CELA3B: variants seen among roughly 807,000 people sequenced by gnomAD.
The protein encoded by CELA3B is chymotrypsin like elastase 3B, also known as chymotrypsin-like elastase family member 3B.
CELA3B carries 34 observed loss-of-function variants against 37.2 expected under a neutral mutation model. The observed-to-expected ratio is 0.91, with a 90% CI of 0.70 to 1.22. The LOEUF (loss-of-function observed/expected upper bound fraction) is 1.22. Among genes scored for constraint, CELA3B ranks in the 50% most tolerant of loss-of-function variants. CELA3B has a pLI of 0.00. For missense variants in CELA3B, 340 were observed against 363.1 expected, an observed-to-expected ratio of 0.94 and a Z score of 0.52; for synonymous variants, 127 against 143.5, an observed-to-expected ratio of 0.89 and a Z score of 0.82.
At chr1:21,978,851 C>T (rs1186481044) in intron 2 of CELA3B, among the ~76,000 whole-genome samples, 1 of 151,786 alleles carries the variant, frequency 6.6e-6, no homozygotes, top group Non-Finnish European at 1.5e-5. Context: ...GAGGGAAGCT[C>T]AGAAGGCTGG....
intron 2 of CELA3B, among the ~76,000 whole-genome samples, chr1:21,980,433 T>A (rs1408195070): frequency 6.6e-6 from 1 of 152,094 alleles, no homozygotes; most frequent in East Asian, 1.9e-4. Context: ...GAGCTGAGAT[T>A]GCCACCATTG....
At chr1:21,988,896 A>T (rs1418360702) in intron 7 of CELA3B, among the ~76,000 whole-genome samples, 2 of 54,242 alleles carry the variant, frequency 3.7e-5, no homozygotes, top group Non-Finnish European at 6.9e-5. Context: ...TCTCAAAAAG[A>T]AAAAAAACTC....
At chr1:21,991,846 G>A (rs1346352382), downstream of CELA3B, among the ~76,000 whole-genome samples, 6 of 150,894 alleles carry the variant, frequency 4.0e-5, no homozygotes, top group African/African-American at 9.8e-5. Flanking sequence ...TGGGCTGGGC[G>A]CAGTGGCTCA....
At position 21,977,148 on chromosome 1, in the gene CELA3B, A is replaced by G. The variant is rs1644777213; in HGVS notation, c.43+66A>G. 11 of 1,606,232 alleles carry G rather than the reference A, an allele frequency of 6.8e-6. No homozygotes were observed. The South Asian group carries it at 1.2e-4, about 18-fold the overall frequency. On this transcript the variant is annotated intron_variant, in intron 1 of 7. Transcript: ENST00000337107. ...AGATTAGGAATCCTTGAAATCTACC[A>G]CTTGCTCTAAGTCCCATGACACCCT...
At chr1:21,990,013 A>AG (rs1470033955), downstream of CELA3B, among the ~76,000 whole-genome samples, 1 of 151,142 alleles carries the variant, frequency 6.6e-6, no homozygotes, top group African/African-American at 2.5e-5. Flanking sequence ...TGGAAGATGA[A>AG]GGGGAAGCAA....
chr1:21,988,969 G>A (rs139168829), intron 7 of CELA3B, among the ~76,000 whole-genome samples: 10,408 of 151,246 alleles, frequency 0.069, 521 homozygotes, highest in East Asian at 0.14. Context: ...ACACACAGAC[G>A]TATATATATA....
At chr1:21,980,266 G>T (rs1319145694) in intron 2 of CELA3B, among the ~76,000 whole-genome samples, 5 of 145,612 alleles carry the variant, frequency 3.4e-5, no homozygotes, top group Non-Finnish European at 6.1e-5. Context: ...GATCACCTGA[G>T]GTGAGGAGCT....
At chr1:21,992,065 AG>A (rs1644871202), downstream of CELA3B, among the ~76,000 whole-genome samples, 1 of 150,984 alleles carries the variant, frequency 6.6e-6, no homozygotes, top group Admixed American at 6.6e-5. Context: ...TGTTGCAATG[AG>A]CTGAGATCAT....
chr1:21,989,171 C>G, intron 7 of CELA3B, 91 bp from the exon 8 acceptor site: 4 of 1,585,040 alleles, frequency 2.5e-6, no homozygotes, highest in Non-Finnish European at 3.5e-6. Flanking sequence ...CAGGGTCACA[C>G]AGCAGGGCTG....
At position 21,977,078 on chromosome 1, in the gene CELA3B, C is replaced by A. The variant is rs753334728; in HGVS notation, c.39C>A (p.Ala13=). 3 of 1,614,038 alleles carry A rather than the reference C, an allele frequency of 1.9e-6. No homozygotes were observed. Among genetic ancestry groups the A allele is most frequent in the Non-Finnish European group, 2.5e-6 (3 of 1,180,048 alleles). The change falls in exon 1 of 8, where the codon GCC becomes GCA. Residue 13 remains alanine, a synonymous_variant. Transcript: ENST00000337107. ...TGCTCAGTTCCCTCCTCCTTGTGGC[C>A]GTTGGTAAGACCCCAACCTGTGTGT... ...LRLLSSLLLV[A]VASGYGPPSS...
chr1:21,993,329 G>A (rs1644876561), downstream of CELA3B, among the ~76,000 whole-genome samples: 3 of 150,586 alleles, frequency 2.0e-5, no homozygotes, highest in African/African-American at 7.4e-5. Context: ...GAGCATGGTG[G>A]CGCGTGCCTG....
downstream of CELA3B, among the ~76,000 whole-genome samples, chr1:21,991,701 T>C (rs1644869406): frequency 6.6e-6 from 1 of 151,324 alleles, no homozygotes; most frequent in Admixed American, 6.6e-5. Flanking sequence ...ATGGTGGCCA[T>C]GCTGACAGGC....
At chr1:21,993,579 C>G (rs895818475), downstream of CELA3B, among the ~76,000 whole-genome samples, 2 of 151,054 alleles carry the variant, frequency 1.3e-5, no homozygotes, top group African/African-American at 4.9e-5. Flanking sequence ...CAGTCTCGCT[C>G]TGTTGTCCGG....
intron 4 of CELA3B, among the ~76,000 whole-genome samples, chr1:21,982,360 C>T (rs111795157): frequency 0.052 from 7,980 of 152,028 alleles, 495 homozygotes; most frequent in African/African-American, 0.15. Flanking sequence ...TGCCGGAGGC[C>T]GAGGTGGGTG....
At chr1:21,992,968 C>CAA (rs569090847), downstream of CELA3B, among the ~76,000 whole-genome samples, 3,045 of 107,432 alleles carry the variant, frequency 0.028, 66 homozygotes, top group Non-Finnish European at 0.044. Context: ...ACCTTGTCTC[C>CAA]AAAAAAAAAA....
At chr1:21,981,214 T>C in intron 4 of CELA3B, 42 bp downstream of exon 4, 1 of 1,601,770 alleles carries the variant, frequency 6.2e-7, no homozygotes, top group South Asian at 1.1e-5. Flanking sequence ...GCTCCTCTAC[T>C]CATCCCTCCA....
intron 7 of CELA3B, among the ~76,000 whole-genome samples, chr1:21,988,944 C>T (rs1213012962): frequency 1.3e-5 from 2 of 151,648 alleles, no homozygotes; most frequent in East Asian, 3.8e-4. Flanking sequence ...TACATACATA[C>T]ATACATATAT....
At chr1:21,997,342 A>AT (rs1644894799) in intron 4 of CELA3B, among the ~76,000 whole-genome samples, 1 of 59,696 alleles carries the variant, frequency 1.7e-5, no homozygotes, top group African/African-American at 7.0e-5. Context: ...GTCTGGCACG[A>AT]CTCATCTCAA....
At chr1:21,981,801 C>G (rs1264863457) in intron 4 of CELA3B, among the ~76,000 whole-genome samples, 5 of 151,684 alleles carry the variant, frequency 3.3e-5, no homozygotes, top group Admixed American at 2.0e-4. Context: ...TCTCGGCTCA[C>G]TGCAAGCTCT....
Sources: allele counts gnomAD v4.1 joint callset (sites outside exome capture counted in the v4.1 genomes callset), GRCh38; gene constraint gnomAD v4.1.1; transcripts MANE v1.5; gene names NCBI Gene and HGNC (gene_info 2026-07-23, HGNC 2026-07-21).